ASIC2: variants seen among roughly 807,000 people sequenced by gnomAD.
ASIC2 encodes the protein acid-sensing ion channel 2.
In ASIC2, 25 loss-of-function variants were observed where a neutral mutation model predicts 57.3. That is an observed-to-expected ratio of 0.44 (90% CI 0.32 to 0.61). ASIC2 has a LOEUF of 0.61. Ranked by LOEUF, ASIC2 falls within the 20% of genes least tolerant of loss-of-function variation. ASIC2 has a pLI of 0.06. For missense variants in ASIC2, 641 were observed against 738.1 expected (o/e 0.87, Z 1.52); for synonymous variants, 319 against 307.5 (o/e 1.04, Z -0.39).
chr17:33,905,693 G>A (rs1013786997), intron 1 of ASIC2, among the ~76,000 whole-genome samples: 2 of 152,242 alleles, frequency 1.3e-5, no homozygotes, highest in Non-Finnish European at 2.9e-5. Context: ...TCACTGGTAT[G>A]TCCTGAAGCC....
chr17:33,495,070 C>T (rs1413536558), intron 1 of ASIC2, among the ~76,000 whole-genome samples: 4 of 152,188 alleles, frequency 2.6e-5, no homozygotes, highest in Non-Finnish European at 5.9e-5. Context: ...GTGGTTTCTA[C>T]ATAAAGCTGG....
chr17:34,020,244 C>T (rs974936523), intron 1 of ASIC2, among the ~76,000 whole-genome samples: 2 of 152,146 alleles, frequency 1.3e-5, no homozygotes, highest in African/African-American at 4.8e-5. Context: ...CATAGTAGAC[C>T]TGGCTCAATA....
intron 3 of ASIC2, among the ~76,000 whole-genome samples, chr17:33,033,302 C>A (rs1395460370): frequency 2.6e-5 from 4 of 152,216 alleles, no homozygotes; most frequent in Non-Finnish European, 5.9e-5. Context: ...TGTATCTGAG[C>A]CTCCCTGTGC....
intron 1 of ASIC2, among the ~76,000 whole-genome samples, chr17:34,143,897 CT>C (rs932351766): frequency 2.0e-5 from 3 of 151,560 alleles, no homozygotes; most frequent in Non-Finnish European, 2.9e-5. Flanking sequence ...AACTAAACCT[CT>C]TTTTTTTTCT....
intron 1 of ASIC2, among the ~76,000 whole-genome samples, chr17:33,948,736 T>C (rs2141983599): frequency 6.6e-6 from 1 of 152,314 alleles, no homozygotes; most frequent in East Asian, 1.9e-4. Flanking sequence ...GTAAGGAAGA[T>C]TGTCAATGCC....
intron 1 of ASIC2, among the ~76,000 whole-genome samples, chr17:33,434,742 G>A (rs1473198854): frequency 6.6e-6 from 1 of 152,184 alleles, no homozygotes; most frequent in African/African-American, 2.4e-5. Flanking sequence ...TGATAGTAAA[G>A]GTTTGGCAGT....
intron 1 of ASIC2, among the ~76,000 whole-genome samples, chr17:34,067,763 T>C: frequency 6.6e-6 from 1 of 152,164 alleles, no homozygotes; most frequent in East Asian, 1.9e-4. Flanking sequence ...TGGAAAGACA[T>C]CCATGATATG....
intron 1 of ASIC2, among the ~76,000 whole-genome samples, chr17:33,441,355 C>T (rs966348063): frequency 6.6e-6 from 1 of 152,174 alleles, no homozygotes; most frequent in African/African-American, 2.4e-5. Context: ...TATGGACTAT[C>T]TTTTCAGTGT....
chr17:33,961,671 C>G (rs1697328585), intron 1 of ASIC2, among the ~76,000 whole-genome samples: 1 of 152,236 alleles, frequency 6.6e-6, no homozygotes, highest in Middle Eastern at 3.4e-3. Flanking sequence ...GATGATTGCT[C>G]AGACCAAGGA....
chr17:33,813,937 T>A (rs112605562), intron 1 of ASIC2, among the ~76,000 whole-genome samples: 143 of 152,258 alleles, frequency 9.4e-4, no homozygotes, highest in African/African-American at 3.2e-3. Flanking sequence ...GGAGGGAGAA[T>A]GAGGAAGGTC....
chr17:33,518,538 C>T (rs1371477383), intron 1 of ASIC2, among the ~76,000 whole-genome samples: 1 of 152,206 alleles, frequency 6.6e-6, no homozygotes, highest in East Asian at 1.9e-4. Context: ...GTGGCCTCCA[C>T]CAGCTGTTCT....
chr17:33,279,885 C>G (rs1048143663), intron 1 of ASIC2, among the ~76,000 whole-genome samples: 2 of 152,072 alleles, frequency 1.3e-5, no homozygotes, highest in African/African-American at 2.4e-5. Context: ...GAGTGTTGTC[C>G]TGAGGATTAA....
At chr17:33,748,260 T>C (rs1368813548) in intron 1 of ASIC2, among the ~76,000 whole-genome samples, 1 of 152,204 alleles carries the variant, frequency 6.6e-6, no homozygotes, top group African/African-American at 2.4e-5. Flanking sequence ...CTGAGCACTC[T>C]TGGGCTTCTC....
chr17:33,414,560 G>T (rs933327981), intron 1 of ASIC2, among the ~76,000 whole-genome samples: 1 of 152,152 alleles, frequency 6.6e-6, no homozygotes, highest in East Asian at 1.9e-4. Flanking sequence ...GGGGGTCAAG[G>T]CCTGCCTTGG....
At chr17:33,386,954 G>C (rs1048837380) in intron 1 of ASIC2, among the ~76,000 whole-genome samples, 7 of 152,140 alleles carry the variant, frequency 4.6e-5, no homozygotes, top group Admixed American at 2.6e-4. Context: ...GTGTGTGTGT[G>C]TGTGTCTGTG....
At chr17:33,184,601 G>C (rs62069695) in intron 1 of ASIC2, among the ~76,000 whole-genome samples, 1 of 152,158 alleles carries the variant, frequency 6.6e-6, no homozygotes, top group African/African-American at 2.4e-5. Context: ...TGCCTGCTTT[G>C]ACCTGGTTTC....
chr17:34,099,047 G>A (rs1200527012), intron 1 of ASIC2, among the ~76,000 whole-genome samples: 2 of 150,640 alleles, frequency 1.3e-5, no homozygotes, highest in Non-Finnish European at 2.9e-5. Flanking sequence ...AGATTAGCCT[G>A]CTAGAGGAAA....
chr17:33,365,997 T>C (rs981759775), intron 1 of ASIC2, among the ~76,000 whole-genome samples: 3 of 152,136 alleles, frequency 2.0e-5, no homozygotes, highest in African/African-American at 7.2e-5. Context: ...CAGGTTGGAA[T>C]AGCCAGATGG....
intron 1 of ASIC2, among the ~76,000 whole-genome samples, chr17:33,715,201 T>G (rs1055775654): frequency 1.2e-4 from 18 of 152,164 alleles, no homozygotes; most frequent in African/African-American, 3.6e-4. Flanking sequence ...AGGGTCTCAC[T>G]GCGTTGCCCA....
Sources: gnomAD v4.1 joint callset for allele counts (sites outside exome capture counted in the v4.1 genomes callset) on GRCh38, gnomAD v4.1.1 for gene constraint, MANE v1.5 for transcripts, NCBI Gene and HGNC (gene_info 2026-07-23, HGNC 2026-07-21) for gene names.